The following MCC variants were observed in gnomAD, a reference collection of about 807,000 sequenced individuals.
MCC encodes MCC regulator of Wnt signaling pathway.
Under a neutral mutation model 116.2 loss-of-function variants are expected in MCC, and 90 were observed. That is an observed-to-expected ratio of 0.77 (90% CI 0.65 to 0.92). MCC has a LOEUF of 0.92. Among genes scored for constraint, MCC ranks in the 40% least tolerant of loss-of-function variants. The pLI, the probability that MCC is intolerant of heterozygous loss-of-function variation, is 0.00. For missense variants in MCC, 1,516 were observed against 1,312.2 expected, an observed-to-expected ratio of 1.16 and a Z score of -2.40; for synonymous variants, 578 against 510.5, an observed-to-expected ratio of 1.13 and a Z score of -1.78.
At chr5:113,240,070 A>G (rs140054728) in intron 3 of MCC, among the ~76,000 whole-genome samples, 1 of 152,270 alleles carries the variant, frequency 6.6e-6, no homozygotes, top group Admixed American at 6.5e-5. Flanking sequence ...TTAAATCTTC[A>G]TAAGTGATTA....
chr5:113,140,915 A>AG (rs1759140134), intron 5 of MCC, among the ~76,000 whole-genome samples: 1 of 152,168 alleles, frequency 6.6e-6, no homozygotes. Flanking sequence ...GGTTAATTTT[A>AG]GGTGTCAACT....
At chr5:113,034,063 C>CTTTT (rs35834150) in intron 17 of MCC, among the ~76,000 whole-genome samples, 28 of 136,298 alleles carry the variant, frequency 2.1e-4, no homozygotes, top group South Asian at 4.7e-4. Context: ...ATTTTTAAAA[C>CTTTT]TTTTTTTTTT....
At chr5:113,211,105 A>G (rs1763119683) in intron 3 of MCC, among the ~76,000 whole-genome samples, 1 of 152,188 alleles carries the variant, frequency 6.6e-6, no homozygotes, top group Non-Finnish European at 1.5e-5. Flanking sequence ...CCCCAATGTG[A>G]TGGTTTCAAA....
chr5:113,333,836 T>TATATATGTATATATGTATATATGTAC lies in MCC; in HGVS notation c.627+6682_627+6683insGTACATATATACATATATACATATAT, dbSNP rs1554076894. Reference sequence around the variant, plus strand: ...ATATATGTACATATATGTATATATGTATATATGTATATATGTACATATATG... The same window carrying TATATATGTATATATGTATATATGTAC: ...ATATATGTACATATATGTATATATGTATATATGTATATATGTATATATGTACATATATGTATATATGTACATATATG... On this transcript the variant is annotated intron_variant, in intron 3 of 18. Transcript: ENST00000408903. Among the ~76,000 whole-genome samples the TATATATGTATATATGTATATATGTAC allele has an allele frequency of 5.2e-3, 310 of 59,308 alleles. 61 individuals are homozygous for TATATATGTATATATGTATATATGTAC. The highest frequency in any genetic ancestry group is 7.7e-3 in the Non-Finnish European group (260 of 33,632). The allele number at this position is 59,308 out of a possible 152,430, so 38.9% of individuals were successfully genotyped here. A position where few individuals can be genotyped will look rare whatever the true frequency, so the allele number is the denominator to read the frequency against.
At chr5:113,307,028 G>A (rs1278299520) in intron 3 of MCC, among the ~76,000 whole-genome samples, 1 of 152,074 alleles carries the variant, frequency 6.6e-6, no homozygotes, top group African/African-American at 2.4e-5. Context: ...CCATCCTTAT[G>A]CTAATACTAC....
rs1189796157 is a variant in MCC at position 113,434,738 on chromosome 5, C to A, written c.171-49526G>T. ...TGATCTTGATCGCCACATTGAACTTCAGGCGCTCAGAGTAAGCAGATTTTA... is the reference window on the plus strand; with the variant it reads ...TGATCTTGATCGCCACATTGAACTTAAGGCGCTCAGAGTAAGCAGATTTTA... On this transcript the variant is annotated intron_variant, in intron 1 of 18. Transcript: ENST00000408903. This position sits in a 1 kb window ranked among gnomAD's most constrained non-coding sequence, Gnocchi z 4.2. 2.5e-6 allele frequency: 4 copies of A among 1,614,120 alleles called. No individual in the cohort carries two copies. The highest frequency in any genetic ancestry group is 3.4e-6 in the Non-Finnish European group (4 of 1,179,978).
chr5:113,198,976 G>A (rs938376611), intron 3 of MCC, among the ~76,000 whole-genome samples: 8 of 151,844 alleles, frequency 5.3e-5, no homozygotes, highest in African/African-American at 1.2e-4. Context: ...CGAGGTGGGC[G>A]GATCACCTGG....
intron 3 of MCC, among the ~76,000 whole-genome samples, chr5:113,164,078 T>C (rs1760643845): frequency 6.6e-6 from 1 of 152,204 alleles, no homozygotes; most frequent in Admixed American, 6.5e-5. Context: ...ATCCTTGCTC[T>C]CAACAAGCTC....
chr5:113,299,148 C>T (rs917713700), intron 3 of MCC, among the ~76,000 whole-genome samples: 3 of 151,644 alleles, frequency 2.0e-5, no homozygotes, highest in South Asian at 2.1e-4. Flanking sequence ...ATTAGCTGGG[C>T]GTGGTGGCAC....
chr5:113,123,046 T>C (rs892732452), intron 5 of MCC, among the ~76,000 whole-genome samples: 6 of 152,328 alleles, frequency 3.9e-5, no homozygotes, highest in Admixed American at 2.6e-4. Context: ...CATACCCATG[T>C]ACCAAACGAG....
chr5:113,333,318 T>C (rs1377735436), intron 3 of MCC, among the ~76,000 whole-genome samples: 3 of 151,720 alleles, frequency 2.0e-5, no homozygotes, highest in Admixed American at 2.0e-4. Context: ...TTTGATCATA[T>C]AGCAAATGAG....
intron 3 of MCC, among the ~76,000 whole-genome samples, chr5:113,290,507 C>G (rs1731558344): frequency 6.6e-6 from 1 of 152,060 alleles, no homozygotes; most frequent in Non-Finnish European, 1.5e-5. Flanking sequence ...AACTGTCTAC[C>G]AGACAACCAG....
chr5:113,139,201 T>A lies in MCC; in HGVS notation c.884+4017A>T, dbSNP rs1037396000. 2.0e-5 allele frequency among the ~76,000 whole-genome samples: 3 copies of A among 152,128 alleles called. No individual in the cohort carries two copies. The South Asian group carries it at 6.3e-4, about 32-fold the overall frequency. Reference sequence around the variant, plus strand: ...TACCAAGGACCCCATTTTAAGGACATTATCTCCCAGTCAACATCGCTGATT... The same window carrying A: ...TACCAAGGACCCCATTTTAAGGACAATATCTCCCAGTCAACATCGCTGATT... On this transcript the variant is annotated intron_variant, in intron 5 of 18. Coordinates refer to ENST00000408903, the MANE Select transcript of MCC (RefSeq NM_001085377.2).
chr5:113,257,010 T>C (rs1490065063), intron 3 of MCC, among the ~76,000 whole-genome samples: 1 of 152,176 alleles, frequency 6.6e-6, no homozygotes, highest in Non-Finnish European at 1.5e-5. Context: ...TGGTTACTAA[T>C]CAGTTATCAC....
chr5:113,139,594 T>G (rs922253698), intron 5 of MCC, among the ~76,000 whole-genome samples: 1 of 152,054 alleles, frequency 6.6e-6, no homozygotes, highest in Non-Finnish European at 1.5e-5. Flanking sequence ...CATTAAAAAG[T>G]CAGGAAACAA....
chr5:113,075,133 G>C (rs987292315), intron 11 of MCC, among the ~76,000 whole-genome samples: 1 of 152,230 alleles, frequency 6.6e-6, no homozygotes, highest in African/African-American at 2.4e-5. Flanking sequence ...ACTTGGAGCA[G>C]CCGGCTGGTG....
At chr5:113,440,660 G>C (rs1173640579) in intron 1 of MCC, among the ~76,000 whole-genome samples, 1 of 152,008 alleles carries the variant, frequency 6.6e-6, no homozygotes, top group Non-Finnish European at 1.5e-5. Context: ...AAAAAACAAA[G>C]GGTGAGAAAG....
intron 3 of MCC, among the ~76,000 whole-genome samples, chr5:113,189,240 G>A (rs984060696): frequency 2.0e-5 from 3 of 152,136 alleles, no homozygotes; most frequent in Admixed American, 2.0e-4. Context: ...ATCACAACTC[G>A]ACAGTCAGCT....
At chr5:113,128,618 A>C (rs1822491) in intron 5 of MCC, among the ~76,000 whole-genome samples, 5,647 of 152,334 alleles carry the variant, frequency 0.037, 351 homozygotes, top group African/African-American at 0.13. Flanking sequence ...TGGGATTTTG[A>C]AATGCTCTCC....
Sources: gnomAD v4.1 joint callset for allele counts (sites outside exome capture counted in the v4.1 genomes callset) on GRCh38, gnomAD v4.1.1 for gene constraint, Gnocchi (gnomAD v3.1) non-coding constraint, MANE v1.5 for transcripts, NCBI Gene and HGNC (gene_info 2026-07-23, HGNC 2026-07-21) for gene names.